The following SLC5A11 variants were observed in gnomAD, a reference collection of about 807,000 sequenced individuals.
SLC5A11 encodes the protein sodium/myo-inositol cotransporter 2.
Under a neutral mutation model 69.8 loss-of-function variants are expected in SLC5A11, and 48 were observed. The observed-to-expected ratio is 0.69, with a 90% CI of 0.55 to 0.87. SLC5A11 has a LOEUF of 0.87. Among genes scored for constraint, SLC5A11 ranks in the 40% least tolerant of loss-of-function variants. The probability of loss-of-function intolerance (pLI) is 0.00; values close to 1 mark genes in which losing one functional copy is unlikely to be tolerated. For missense variants in SLC5A11, 784 were observed against 866.1 expected (o/e 0.91, Z 1.19); for synonymous variants, 319 against 342.4 (o/e 0.93, Z 0.75).
intron 8 of SLC5A11, among the ~76,000 whole-genome samples, chr16:24,889,876 T>C (rs2048663259): frequency 6.6e-6 from 1 of 152,104 alleles, no homozygotes; most frequent in Non-Finnish European, 1.5e-5. Context: ...AGCAAATAAA[T>C]AAATTACTAT....
chr16:24,890,701 AT>A (rs925157504), intron 8 of SLC5A11, among the ~76,000 whole-genome samples, 167 bp from the exon 10 acceptor site: 16 of 151,922 alleles, frequency 1.1e-4, no homozygotes, highest in Non-Finnish European at 4.4e-5. Flanking sequence ...TCTAATATTA[AT>A]TTTTTTAAGT....
At chr16:24,858,731 G>A (rs1305583837) in exon 2 of SLC5A11, 3 of 1,611,722 alleles carry the variant, frequency 1.9e-6, no homozygotes, top group African/African-American at 1.3e-5. Flanking sequence ...TGGGGACATC[G>A]CGGTGCTAGT....
intron 9 of SLC5A11, among the ~76,000 whole-genome samples, chr16:24,897,632 G>A (rs575115562): frequency 1.0e-3 from 158 of 152,292 alleles, no homozygotes; most frequent in African/African-American, 3.5e-3. Context: ...TTATAAAGAG[G>A]TTGAATGGAC....
intron 5 of SLC5A11, among the ~76,000 whole-genome samples, chr16:24,873,600 C>T (rs1243133078): frequency 6.6e-6 from 1 of 151,682 alleles, no homozygotes; most frequent in Admixed American, 6.6e-5. Context: ...GAGATCAGGG[C>T]TGCAGTGAGC....
intron 9 of SLC5A11, among the ~76,000 whole-genome samples, chr16:24,897,161 C>A (rs561541677): frequency 3.9e-5 from 6 of 151,968 alleles, no homozygotes; most frequent in Non-Finnish European, 8.8e-5. Flanking sequence ...ACCATGTTGG[C>A]CAGGCTGGTC....
intron 5 of SLC5A11, among the ~76,000 whole-genome samples, chr16:24,874,150 A>G (rs2047514734): frequency 6.6e-6 from 1 of 152,208 alleles, no homozygotes; most frequent in East Asian, 1.9e-4. Flanking sequence ...CTTTTGTTAC[A>G]TGTAGCTGAT....
At chr16:24,850,619 A>G (rs2152200255) in intron 1 of SLC5A11, among the ~76,000 whole-genome samples, 1 of 152,228 alleles carries the variant, frequency 6.6e-6, no homozygotes. Context: ...GGTAGTTAGG[A>G]GCTCTAGAGT....
At chr16:24,885,512 G>A (rs2048334253) in intron 8 of SLC5A11, among the ~76,000 whole-genome samples, 1 of 151,990 alleles carries the variant, frequency 6.6e-6, no homozygotes, top group African/African-American at 2.4e-5. Flanking sequence ...CCCAGGTTTG[G>A]TGGCATGTGC....
chr16:24,897,932 A>G (rs2049294802), intron 9 of SLC5A11, 42 bp from the exon 11 acceptor site: 2 of 1,607,590 alleles, frequency 1.2e-6, no homozygotes, highest in African/African-American at 1.3e-5. Flanking sequence ...CAACCAAACT[A>G]TATCAGCATT....
intron 5 of SLC5A11, 145 bp downstream of exon 6, chr16:24,872,364 G>A: frequency 1.1e-6 from 1 of 924,660 alleles, no homozygotes; most frequent in Non-Finnish European, 1.7e-6. Flanking sequence ...GTAAAGGGGA[G>A]GGATGATCCA....
At chr16:24,903,052 C>G (rs1353614366) in intron 10 of SLC5A11, among the ~76,000 whole-genome samples, 1 of 152,132 alleles carries the variant, frequency 6.6e-6, no homozygotes, top group Non-Finnish European at 1.5e-5. Context: ...GTCTCTCTCC[C>G]TTCTCTGGAG....
chr16:24,911,554 C>A, exon 16 of SLC5A11: 1 of 1,611,772 alleles, frequency 6.2e-7, no homozygotes, highest in East Asian at 2.2e-5. Context: ...ACCCAGGGGT[C>A]CAAACTCTGT....
In SLC5A11 at chr16:24,905,638, G is replaced by GCGCGCA. The variant is rs1555534421; in HGVS notation, c.1007-1016_1007-1015insGCACGC. ...CCCCATCTCAAAAACACGCGCGCGC[G>GCGCGCA]CGCACACACACACACACACACACAC... On this transcript the variant is annotated intron_variant, in intron 10 of 15. Transcript: ENST00000347898. 4.9e-3 allele frequency among the ~76,000 whole-genome samples: 346 copies of GCGCGCA among 70,302 alleles called. 4 individuals are homozygous for GCGCGCA. The highest frequency in any genetic ancestry group is 0.012 in the African/African-American group (278 of 23,056). The allele number at this position is 70,302 out of a possible 152,430, so 46.1% of individuals were successfully genotyped here.
exon 14 of SLC5A11, chr16:24,909,075 A>G (rs200970435): frequency 2.0e-5 from 33 of 1,614,140 alleles, no homozygotes; most frequent in Admixed American, 5.0e-5. Context: ...GCTGGTTCAC[A>G]GAGCCACCCT....
chr16:24,903,759 T>C (rs544820205), intron 10 of SLC5A11, among the ~76,000 whole-genome samples: 2 of 152,348 alleles, frequency 1.3e-5, no homozygotes, highest in African/African-American at 4.8e-5. Context: ...TACCCATTCA[T>C]CTGTTGACAG....
intron 2 of SLC5A11, chr16:24,861,938 C>T (rs1449436193): frequency 1.3e-5 from 2 of 152,078 alleles, no homozygotes; most frequent in Non-Finnish European, 2.9e-5. Context: ...CTCAAGGGAA[C>T]TAGTTTTACC....
exon 9 of SLC5A11, chr16:24,891,029 A>G (rs978119273): frequency 1.2e-6 from 2 of 1,614,096 alleles, no homozygotes; most frequent in Non-Finnish European, 1.7e-6. Flanking sequence ...CGGGGGTCCT[A>G]TTTGGAATGT....
chr16:24,891,140 C>A, intron 9 of SLC5A11, 66 bp downstream of exon 10: 2 of 1,533,376 alleles, frequency 1.3e-6, no homozygotes, highest in South Asian at 1.2e-5. Context: ...TGGCTGAAGT[C>A]GGTGCTTTTT....
chr16:24,905,638 GCGCACACACACACACACA>G (rs1284384535), intron 10 of SLC5A11, among the ~76,000 whole-genome samples: 7 of 70,228 alleles, frequency 1.0e-4, no homozygotes, highest in African/African-American at 1.7e-4. Flanking sequence ...ACGCGCGCGC[GCGCACACACACACACACA>G]CACACACACA....
Sources: allele counts gnomAD v4.1 joint callset (sites outside exome capture counted in the v4.1 genomes callset), GRCh38; gene constraint gnomAD v4.1.1; transcripts MANE v1.5; gene names NCBI Gene and HGNC (gene_info 2026-07-23, HGNC 2026-07-21).